TCTN3: variants seen among roughly 807,000 people sequenced by gnomAD.
The protein encoded by TCTN3 is tectonic family member 3, also known as tectonic-3.
Under a neutral mutation model 71.3 loss-of-function variants are expected in TCTN3, and 57 were observed. The observed-to-expected ratio is 0.80, with a 90% CI of 0.65 to 1.00. The LOEUF (loss-of-function observed/expected upper bound fraction) is 1.00, where lower values mean the gene tolerates loss of function less well. TCTN3 is among the 50% of genes least tolerant of loss of function. The probability of loss-of-function intolerance (pLI) is 0.00; values close to 1 mark genes in which losing one functional copy is unlikely to be tolerated. For synonymous variants in TCTN3, 258 were observed against 267.8 expected (o/e 0.96, Z 0.36); for missense variants, 696 against 719.9 (o/e 0.97, Z 0.38).
intron 1 of TCTN3, 74 bp from the exon 2 acceptor site, chr10:95,693,550 G>T: frequency 1.3e-6 from 2 of 1,549,114 alleles, no homozygotes; most frequent in Admixed American, 2.0e-5. Context: ...TCCTTCTTCC[G>T]ACAGCCCCAC....
intron 12 of TCTN3, among the ~76,000 whole-genome samples, chr10:95,681,232 C>CA (rs1325933729): frequency 2.6e-5 from 4 of 152,208 alleles, no homozygotes; most frequent in South Asian, 4.2e-4. Flanking sequence ...CCCACCACTA[C>CA]ACCTGGCTAA....
At chr10:95,693,289 T>C (rs2097955402) in intron 2 of TCTN3, 64 bp downstream of exon 2, 1 of 1,546,262 alleles carries the variant, frequency 6.5e-7, no homozygotes, top group Admixed American at 2.0e-5. Flanking sequence ...TCTTCTTACA[T>C]CCAAATGTTA....
Position 95,683,172 on chromosome 10 carries a change from AC to A in TCTN3, c.1226del (p.Gly409ValfsTer16), listed in dbSNP as rs747710152. Reference protein sequence around the residue: ...SYSMTLLQSQGNGSCSVKRHE... With the variant: ...SYSMTLLQSQXNGSCSVKRHE... Reference sequence around the variant, plus strand: ...GTCTTTTAACAGAGCAACTTCCATTACCCTGGCTCTGTAAGAGGGTCATCCA... The same window carrying A: ...GTCTTTTAACAGAGCAACTTCCATTACCTGGCTCTGTAAGAGGGTCATCCA... On this transcript the variant is annotated frameshift_variant, in exon 11 of 14. Transcript: ENST00000371217. LOFTEE classifies it high-confidence loss of function. The A allele has an allele frequency of 1.1e-5, 18 of 1,613,912 alleles. No homozygotes were observed. The highest frequency in any genetic ancestry group is 1.5e-5 in the Non-Finnish European group (18 of 1,179,984).
chr10:95,683,242 A>G, intron 10 of TCTN3, 47 bp from the exon 11 acceptor site: 1 of 1,571,442 alleles, frequency 6.4e-7, no homozygotes, highest in Non-Finnish European at 8.7e-7. Context: ...AGAAAAAAAA[A>G]GGAGGCAGCA....
intron 2 of TCTN3, 110 bp from the exon 3 acceptor site, chr10:95,693,148 C>A (rs2097955198): frequency 8.5e-7 from 1 of 1,177,822 alleles, no homozygotes; most frequent in African/African-American, 1.5e-5. Flanking sequence ...TCCTTGGGCA[C>A]CTATAGGACG....
intron 13 of TCTN3, among the ~76,000 whole-genome samples, chr10:95,665,416 T>C (rs1355939308): frequency 1.3e-5 from 2 of 151,960 alleles, no homozygotes; most frequent in Non-Finnish European, 2.9e-5. Flanking sequence ...GTAGCTGGGA[T>C]TATAGGCACC....
chr10:95,683,371 T>C lies in TCTN3; in HGVS notation c.1203+151A>G, dbSNP rs1190586952. On this transcript the variant is annotated intron_variant, in intron 10 of 13. Transcript: ENST00000371217. ...GAAAACCACAGAGAGACAACTAGAT[T>C]CCAAAAATGATTAACCATATATTAG... 9 of 1,512,146 alleles carry C rather than the reference T, an allele frequency of 6.0e-6. No individual in the cohort carries two copies. The South Asian group carries it at 1.1e-4, about 19-fold the overall frequency. The allele number at this position is 1,512,146 out of a possible 1,614,324, so 93.7% of individuals were successfully genotyped here. A position where few individuals can be genotyped will look rare whatever the true frequency, so the allele number is the denominator to read the frequency against.
chr10:95,693,829 G>A lies in TCTN3; in HGVS notation c.71C>T (p.Pro24Leu), dbSNP rs994712727. 5 of 1,551,598 alleles carry A rather than the reference G, an allele frequency of 3.2e-6. No homozygotes were observed. The Admixed American group carries it at 7.8e-5, about 24-fold the overall frequency. Reference sequence around the variant, plus strand: ...CACTGCCCCTGATGGGGAGGAAGAGGGCTGAGGCCGGACGCCATCGGGGAA... The same window carrying A: ...CACTGCCCCTGATGGGGAGGAAGAGAGCTGAGGCCGGACGCCATCGGGGAA... The part of the protein sequence containing the change: ...LVFPDGVRPQ[P>L]SSSPSGAVPT... The change falls in exon 1 of 14, where the codon CCC becomes CTC. Residue 24 changes from proline to leucine, a missense_variant. Pro to Leu is a moderately conservative substitution (Grantham distance 98). Coordinates refer to ENST00000371217, the MANE Select transcript of TCTN3 (RefSeq NM_015631.6).
At position 95,687,026 on chromosome 10, in the gene TCTN3, G is replaced by A. The variant is rs2097948947; in HGVS notation, c.852+18C>T. The A allele has an allele frequency of 6.3e-7, 1 of 1,578,274 alleles. No individual in the cohort carries two copies. ...AACTTCATAGTAGTGACAGTGTAGG[G>A]AGAGAAAGGACACCTACCTTTAAGA... On this transcript the variant is annotated intron_variant, in intron 6 of 13. Coordinates refer to ENST00000371217, the MANE Select transcript of TCTN3 (RefSeq NM_015631.6).
chr10:95,683,818 C>T (rs1016040106), intron 9 of TCTN3, among the ~76,000 whole-genome samples, 189 bp from the exon 10 acceptor site: 1 of 152,090 alleles, frequency 6.6e-6, no homozygotes, highest in Non-Finnish European at 1.5e-5. Context: ...AAAATAAATC[C>T]TTCATGATCT....
chr10:95,676,600 A>G (rs1317593898), intron 13 of TCTN3, among the ~76,000 whole-genome samples: 1 of 152,166 alleles, frequency 6.6e-6, no homozygotes, highest in Non-Finnish European at 1.5e-5. Flanking sequence ...TTTTGTGTCT[A>G]TTTTATGTAC....
At chr10:95,693,561 T>A in intron 1 of TCTN3, 83 bp downstream of exon 1, 1 of 1,548,004 alleles carries the variant, frequency 6.5e-7, no homozygotes, top group Non-Finnish European at 8.7e-7. Context: ...ACAGCCCCAC[T>A]CCTGCTTTGT....
chr10:95,690,158 A>AT (rs1172596012), intron 3 of TCTN3, among the ~76,000 whole-genome samples: 1 of 151,280 alleles, frequency 6.6e-6, no homozygotes, highest in Non-Finnish European at 1.5e-5. Flanking sequence ...TAATTTTCCT[A>AT]TTTTTTGTAA....
intron 13 of TCTN3, among the ~76,000 whole-genome samples, chr10:95,667,335 G>A (rs548675183): frequency 6.6e-6 from 1 of 152,268 alleles, no homozygotes; most frequent in South Asian, 2.1e-4. Context: ...AAAACTCCAT[G>A]TTCACTGGAA....
At chr10:95,667,097 C>A (rs1437048285) in intron 13 of TCTN3, among the ~76,000 whole-genome samples, 2 of 152,078 alleles carry the variant, frequency 1.3e-5, no homozygotes, top group African/African-American at 4.8e-5. Context: ...AGAAGGCAAA[C>A]CTTAGGCCAA....
chr10:95,692,236 C>T (rs1318593963), intron 3 of TCTN3, among the ~76,000 whole-genome samples: 1 of 151,986 alleles, frequency 6.6e-6, no homozygotes, highest in Non-Finnish European at 1.5e-5. Context: ...TGGCCAGGCG[C>T]GGTGGCTCAC....
At chr10:95,675,667 C>T (rs555458429) in intron 13 of TCTN3, among the ~76,000 whole-genome samples, 1 of 152,268 alleles carries the variant, frequency 6.6e-6, no homozygotes, top group Admixed American at 6.5e-5. Flanking sequence ...ACTGGTGGTG[C>T]TGCAACTGTC....
chr10:95,676,674 A>G (rs1387487565), intron 13 of TCTN3, among the ~76,000 whole-genome samples: 1 of 152,180 alleles, frequency 6.6e-6, no homozygotes, highest in Non-Finnish European at 1.5e-5. Flanking sequence ...ATAGTCAACA[A>G]AGGTTGAAAA....
intron 13 of TCTN3, among the ~76,000 whole-genome samples, chr10:95,674,786 A>C (rs11188427): frequency 0.14 from 21,692 of 152,072 alleles, 2,337 homozygotes; most frequent in East Asian, 0.56. Context: ...AGCATATTTG[A>C]CTCCAGCCAG....
Sources: gnomAD v4.1 joint callset for allele counts (sites outside exome capture counted in the v4.1 genomes callset) on GRCh38, gnomAD v4.1.1 for gene constraint, MANE v1.5 for transcripts, NCBI Gene and HGNC (gene_info 2026-07-23, HGNC 2026-07-21) for gene names.